Variants in ANKRD42 observed in about 807,000 individuals in gnomAD.
The protein encoded by ANKRD42 is ankyrin repeat domain 42.
A neutral mutation model predicts 51.5 loss-of-function variants in ANKRD42; 43 were observed. The observed-to-expected ratio is 0.83, with a 90% CI of 0.65 to 1.08. The LOEUF (loss-of-function observed/expected upper bound fraction) is 1.08. Among genes scored for constraint, ANKRD42 ranks in the 50% least tolerant of loss-of-function variants. The probability of loss-of-function intolerance (pLI) is 0.00; values close to 1 mark genes in which losing one functional copy is unlikely to be tolerated. For missense variants in ANKRD42, 608 were observed against 629.3 expected, an observed-to-expected ratio of 0.97 and a Z score of 0.36; for synonymous variants, 203 against 213.0, an observed-to-expected ratio of 0.95 and a Z score of 0.41.
chr11:83,220,243 G>A (rs1046578076), intron 5 of ANKRD42, among the ~76,000 whole-genome samples: 3 of 152,186 alleles, frequency 2.0e-5, no homozygotes, highest in African/African-American at 2.4e-5. Flanking sequence ...CCGAAGGGTC[G>A]GGGGTTGTTA....
chr11:83,201,885 G>C (rs1861884406), intron 2 of ANKRD42, among the ~76,000 whole-genome samples: 1 of 152,064 alleles, frequency 6.6e-6, no homozygotes, highest in South Asian at 2.1e-4. Flanking sequence ...GTAGATTCTA[G>C]ATGTTAGCCC....
chr11:83,223,689 G>C (rs1018046490), intron 5 of ANKRD42, among the ~76,000 whole-genome samples: 9 of 152,162 alleles, frequency 5.9e-5, no homozygotes, highest in East Asian at 1.9e-4. Flanking sequence ...GAAGTTTCAG[G>C]GGGGCAGGGC....
chr11:83,229,526 A>G (rs1422060632), intron 7 of ANKRD42, among the ~76,000 whole-genome samples: 1 of 152,216 alleles, frequency 6.6e-6, no homozygotes, highest in East Asian at 1.9e-4. Flanking sequence ...TTGTGGGGAC[A>G]GTAAATTAAG....
chr11:83,205,420 A>G (rs983519824), intron 2 of ANKRD42, among the ~76,000 whole-genome samples: 1 of 152,236 alleles, frequency 6.6e-6, no homozygotes, highest in African/African-American at 2.4e-5. Context: ...TCCCAATGAT[A>G]TGATCAATTC....
intron 8 of ANKRD42, 56 bp downstream of exon 8, chr11:83,236,565 C>T: frequency 7.4e-7 from 1 of 1,346,406 alleles, no homozygotes; most frequent in Non-Finnish European, 1.0e-6. Flanking sequence ...TTTGCGTATA[C>T]TTTTTTGGAC....
intron 9 of ANKRD42, 28 bp downstream of exon 9, chr11:83,240,962 A>T (rs1406287402): frequency 3.2e-6 from 5 of 1,578,790 alleles, no homozygotes; most frequent in Admixed American, 1.9e-5. Context: ...GTTGTGATTT[A>T]TCCTTTCAGA....
At chr11:83,260,407 T>TTAATC (rs1298961529), downstream of ANKRD42, 1 of 152,146 alleles carries the variant, frequency 6.6e-6, no homozygotes, top group Non-Finnish European at 1.5e-5. Flanking sequence ...TCAGTGAAAA[T>TTAATC]TAATCTATAA....
At chr11:83,256,470 A>C (rs1384619134), downstream of ANKRD42, among the ~76,000 whole-genome samples, 3 of 152,134 alleles carry the variant, frequency 2.0e-5, no homozygotes, top group Non-Finnish European at 4.4e-5. Context: ...TTGATCTTAA[A>C]GATTAGTAGT....
Position 83,198,524 on chromosome 11 carries a change from G to T in ANKRD42, c.104G>T (p.Arg35Leu), listed in dbSNP as rs1401510201. The change falls in exon 2 of 11, where the codon CGA (arginine) becomes CTA (leucine). Residue 35 changes from arginine to leucine, a missense_variant. By Grantham distance (102) the Arg-to-Leu change is moderately radical (BLOSUM62 -2). Transcript: ENST00000533342. ...TTTGGCAGCATACATGATGCAGTAC[G>T]AGCTGGAGATGTAAAGCAGCTTTCA... is the stretch of plus-strand genomic sequence containing the variant. ...VHFGSIHDAV[R>L]AGDVKQLSEI... 1.2e-6 allele frequency: 2 copies of T among 1,613,824 alleles called. No homozygotes were observed. The highest frequency in any genetic ancestry group is 2.2e-5 in the South Asian group (2 of 91,066).
intron 9 of ANKRD42, among the ~76,000 whole-genome samples, chr11:83,242,769 T>C (rs1323987009): frequency 1.3e-5 from 2 of 152,156 alleles, no homozygotes; most frequent in East Asian, 3.9e-4. Flanking sequence ...TTCACCATGT[T>C]GATCAGGCTG....
At chr11:83,216,352 G>A (rs1862529590) in intron 5 of ANKRD42, among the ~76,000 whole-genome samples, 1 of 150,126 alleles carries the variant, frequency 6.7e-6, no homozygotes, top group Non-Finnish European at 1.5e-5. Flanking sequence ...TTGAGACGGA[G>A]TCTCGCTGTC....
At chr11:83,241,083 T>A in intron 9 of ANKRD42, 149 bp downstream of exon 9, 1 of 904,718 alleles carries the variant, frequency 1.1e-6, no homozygotes, top group East Asian at 2.7e-5. Flanking sequence ...AATATAAGTT[T>A]TTGTACTAGG....
chr11:83,206,584 G>C (rs1355502337), intron 3 of ANKRD42, among the ~76,000 whole-genome samples: 1 of 152,196 alleles, frequency 6.6e-6, no homozygotes, highest in Non-Finnish European at 1.5e-5. Flanking sequence ...CCTTTTGCAA[G>C]AGACCTCAGA....
At chr11:83,237,090 G>T (rs576524389) in intron 8 of ANKRD42, among the ~76,000 whole-genome samples, 2 of 152,224 alleles carry the variant, frequency 1.3e-5, no homozygotes, top group South Asian at 4.1e-4. Context: ...TCAGCTTCCC[G>T]TATACTTACC....
At chr11:83,250,481 T>G (rs1042436295), downstream of ANKRD42, among the ~76,000 whole-genome samples, 5 of 152,210 alleles carry the variant, frequency 3.3e-5, no homozygotes, top group African/African-American at 7.2e-5. Flanking sequence ...GTTGAGAGTC[T>G]TGTTAGAGCA....
intron 3 of ANKRD42, among the ~76,000 whole-genome samples, chr11:83,207,112 A>C (rs1380848598): frequency 6.6e-6 from 1 of 152,210 alleles, no homozygotes; most frequent in Non-Finnish European, 1.5e-5. Context: ...CCTTCTTCAC[A>C]GGATGGCAGG....
chr11:83,255,778 A>C, intron 11 of ANKRD42: 1 of 1,254,826 alleles, frequency 8.0e-7, no homozygotes, highest in South Asian at 1.4e-5. Flanking sequence ...TGAACAGGCA[A>C]TGTAGAAAGA....
intron 7 of ANKRD42, among the ~76,000 whole-genome samples, chr11:83,233,310 A>G (rs1863135432): frequency 6.6e-6 from 1 of 151,272 alleles, no homozygotes; most frequent in Non-Finnish European, 1.5e-5. Context: ...TCCTGGTTCA[A>G]TCTTGGTAGG....
chr11:83,206,091 A>G lies in ANKRD42; in HGVS notation c.256A>G (p.Ile86Val), dbSNP rs1327448776. Residue 86 changes from isoleucine (I) to valine (V), a missense_variant, in exon 3 of 11, where the codon ATC becomes GTC. Ile to Val is a conservative substitution (Grantham distance 29). Coordinates refer to ENST00000533342, the MANE Select transcript of ANKRD42 (RefSeq NM_001300975.2). Reference sequence around the variant, plus strand: ...TTGGCTGCTCTGGCATGGAGCTGATATCACACACGTAACAACGAGAGGTTG... The same window carrying G: ...TTGGCTGCTCTGGCATGGAGCTGATGTCACACACGTAACAACGAGAGGTTG... ...LHWLLWHGAD[I>V]THVTTRGWTA... The G allele has an allele frequency of 6.2e-7, 1 of 1,614,088 alleles. No individual in the cohort carries two copies. The highest frequency in any genetic ancestry group is 8.5e-7 in the Non-Finnish European group (1 of 1,179,940).
Sources: gnomAD v4.1 joint callset for allele counts (sites outside exome capture counted in the v4.1 genomes callset) on GRCh38, gnomAD v4.1.1 for gene constraint, MANE v1.5 for transcripts, NCBI Gene and HGNC (gene_info 2026-07-23, HGNC 2026-07-21) for gene names.